GPR39: variants seen among roughly 807,000 people sequenced by gnomAD.
GPR39 encodes the protein G protein-coupled receptor 39.
In GPR39, 23 loss-of-function variants were observed where a neutral mutation model predicts 18.4. The ratio of observed to expected loss-of-function variants is 1.25; its 90% CI spans 0.90 to 1.77. The LOEUF (loss-of-function observed/expected upper bound fraction) is 1.77. GPR39 is among the 40% of genes most tolerant of loss of function. The pLI is 0.00. For missense variants in GPR39, 647 were observed against 602.4 expected, an observed-to-expected ratio of 1.07 and a Z score of -0.78; for synonymous variants, 280 against 257.9, an observed-to-expected ratio of 1.09 and a Z score of -0.82.
At position 132,645,992 on chromosome 2, in the gene GPR39, T is replaced by G; in HGVS notation, c.*386T>G. 1 of 1,369,046 alleles carries G rather than the reference T, an allele frequency of 7.3e-7. No homozygotes were observed. Among genetic ancestry groups the G allele is most frequent in the Non-Finnish European group, 9.9e-7 (1 of 1,014,016 alleles). The allele number at this position is 1,369,046 out of a possible 1,614,324, so 84.8% of individuals were successfully genotyped here. ...AAACTCACTCAGGGAGGTGGGGGGT[T>G]GGGGGCGAGGGCTGGAAGAACAATG... is the stretch of plus-strand genomic sequence containing the variant. On this transcript the variant is annotated 3_prime_UTR_variant, in exon 2 of 2. Coordinates refer to ENST00000329321, the MANE Select transcript of GPR39 (RefSeq NM_001508.3).
chr2:132,493,877 C>T (rs1000033159), intron 1 of GPR39, among the ~76,000 whole-genome samples: 6 of 151,870 alleles, frequency 4.0e-5, no homozygotes, highest in Admixed American at 6.6e-5. Context: ...GTCAAGTGAG[C>T]GGAGCAGAGG....
At chr2:132,500,991 A>T (rs536060279) in intron 1 of GPR39, among the ~76,000 whole-genome samples, 2 of 149,100 alleles carry the variant, frequency 1.3e-5, no homozygotes, top group East Asian at 3.9e-4. Context: ...TATTCTTGCT[A>T]ATGGTCTATT....
chr2:132,645,752 C>A lies in GPR39; in HGVS notation c.*146C>A. 8.8e-7 allele frequency: 1 copy of A among 1,137,724 alleles called. No individual in the cohort carries two copies. Among genetic ancestry groups the A allele is most frequent in the Non-Finnish European group, 1.2e-6 (1 of 821,534 alleles). The allele number at this position is 1,137,724 out of a possible 1,614,324, so 70.5% of individuals were successfully genotyped here. On this transcript the variant is annotated 3_prime_UTR_variant, in exon 2 of 2. Coordinates refer to ENST00000329321, the MANE Select transcript of GPR39 (RefSeq NM_001508.3). ...AAAAGGCAGATGCCCACCTCAGTGACTTCTAAGGACTGACTCTGCCAGCCT... is the reference window on the plus strand; with the variant it reads ...AAAAGGCAGATGCCCACCTCAGTGAATTCTAAGGACTGACTCTGCCAGCCT...
chr2:132,572,182 C>A (rs919662255), intron 1 of GPR39, among the ~76,000 whole-genome samples: 1 of 152,194 alleles, frequency 6.6e-6, no homozygotes, highest in African/African-American at 2.4e-5. Context: ...TCCGTAGGGG[C>A]AGGTGACCTT....
chr2:132,469,823 C>T (rs891013559), intron 1 of GPR39, among the ~76,000 whole-genome samples: 2 of 152,130 alleles, frequency 1.3e-5, no homozygotes, highest in African/African-American at 2.4e-5. Context: ...TTGAGGTGGC[C>T]CCATGCAACT....
chr2:132,572,660 A>G (rs912302711), intron 1 of GPR39, among the ~76,000 whole-genome samples: 2 of 152,184 alleles, frequency 1.3e-5, no homozygotes, highest in Non-Finnish European at 2.9e-5. Flanking sequence ...CCAGATATCC[A>G]TAGGAGTCCG....
chr2:132,549,620 C>G (rs956405411), intron 1 of GPR39, among the ~76,000 whole-genome samples: 11 of 152,078 alleles, frequency 7.2e-5, no homozygotes, highest in Admixed American at 4.6e-4. Flanking sequence ...AACCCCAACT[C>G]TACTAAAAAT....
chr2:132,571,615 A>C (rs1463622912), intron 1 of GPR39, among the ~76,000 whole-genome samples: 1 of 152,042 alleles, frequency 6.6e-6, no homozygotes, highest in Non-Finnish European at 1.5e-5. Context: ...GTGACTGTAA[A>C]CTCAAGCTGG....
At chr2:132,507,300 C>T (rs1679152836) in intron 1 of GPR39, among the ~76,000 whole-genome samples, 1 of 152,074 alleles carries the variant, frequency 6.6e-6, no homozygotes, top group South Asian at 2.1e-4. Context: ...CTATAGTATT[C>T]TATATTTGGT....
intron 1 of GPR39, among the ~76,000 whole-genome samples, chr2:132,571,530 A>G (rs939510103): frequency 1.4e-4 from 21 of 152,352 alleles, no homozygotes; most frequent in Admixed American, 1.0e-3. Flanking sequence ...ATAAGCAGGT[A>G]GATGAAATGG....
intron 1 of GPR39, among the ~76,000 whole-genome samples, chr2:132,546,839 C>CAAAAAAAAAAAAAA (rs60267293): frequency 0.011 from 381 of 33,964 alleles, 48 homozygotes; most frequent in African/African-American, 0.017. Flanking sequence ...AGCTCCACAG[C>CAAAAAAAAAAAAAA]AAAAAAAAAA....
chr2:132,604,460 C>G (rs1472738962), intron 1 of GPR39: 1 of 152,126 alleles, frequency 6.6e-6, no homozygotes, highest in East Asian at 1.9e-4. Context: ...GCCAACAGAC[C>G]TGGGGAGAGA....
At chr2:132,631,624 C>T (rs1046393129) in intron 1 of GPR39, among the ~76,000 whole-genome samples, 9 of 152,152 alleles carry the variant, frequency 5.9e-5, no homozygotes, top group Non-Finnish European at 1.2e-4. Flanking sequence ...GCCTCTGGTC[C>T]TGGCATTTGG....
At chr2:132,612,610 A>G (rs1405109491) in intron 1 of GPR39, among the ~76,000 whole-genome samples, 1 of 152,156 alleles carries the variant, frequency 6.6e-6, no homozygotes, top group African/African-American at 2.4e-5. Flanking sequence ...TTCTTCACCT[A>G]TGGTTCTAAA....
intron 1 of GPR39, among the ~76,000 whole-genome samples, chr2:132,522,752 T>A (rs1417904676): frequency 2.0e-5 from 3 of 152,218 alleles, no homozygotes; most frequent in Non-Finnish European, 4.4e-5. Context: ...ATATGACATC[T>A]GGGCCAGGAA....
At position 132,488,292 on chromosome 2, in the gene GPR39, G is replaced by A. The variant is rs114875886; in HGVS notation, c.856+70394G>A. On this transcript the variant is annotated intron_variant, in intron 1 of 1. Transcript: ENST00000329321. ...AAACAATTTTAAAACCTTTAAAAGC[G>A]TATTGAGAAAAACCGAGCTTTTCAA... Among the ~76,000 whole-genome samples the A allele has an allele frequency of 3.0e-3, 458 of 152,120 alleles. 1 individual carries two copies. The highest frequency in any genetic ancestry group is 3.8e-3 in the Non-Finnish European group (260 of 68,006).
chr2:132,500,796 T>A (rs1679016211), intron 1 of GPR39, among the ~76,000 whole-genome samples: 1 of 152,140 alleles, frequency 6.6e-6, no homozygotes, highest in Admixed American at 6.5e-5. Context: ...ATCTTCCTAG[T>A]TAAATCTAGG....
intron 1 of GPR39, among the ~76,000 whole-genome samples, chr2:132,614,593 C>A (rs1681299052): frequency 6.6e-6 from 1 of 151,690 alleles, no homozygotes; most frequent in Admixed American, 6.6e-5. Flanking sequence ...CCCTGTTGCC[C>A]AGGCTGGAAT....
At chr2:132,430,588 A>T (rs918344887) in intron 1 of GPR39, among the ~76,000 whole-genome samples, 1 of 152,168 alleles carries the variant, frequency 6.6e-6, no homozygotes. Context: ...CTCTACCATC[A>T]AGAAGGTATC....
Sources: gnomAD v4.1 joint callset for allele counts (sites outside exome capture counted in the v4.1 genomes callset) on GRCh38, gnomAD v4.1.1 for gene constraint, MANE v1.5 for transcripts, NCBI Gene and HGNC (gene_info 2026-07-23, HGNC 2026-07-21) for gene names.